The following LMTK3 variants were observed in gnomAD, a reference collection of about 807,000 sequenced individuals.
LMTK3 encodes the protein lemur tail kinase 3.
A neutral mutation model predicts 116.7 loss-of-function variants in LMTK3; 27 were observed. The ratio of observed to expected loss-of-function variants is 0.23; its 90% CI spans 0.17 to 0.32. LMTK3 has a LOEUF of 0.32. LMTK3 is among the 10% of genes least tolerant of loss of function. The pLI, the probability that LMTK3 is intolerant of heterozygous loss-of-function variation, is 1.00. For missense variants in LMTK3, 1,764 were observed against 2,068.5 expected, an observed-to-expected ratio of 0.85 and a Z score of 2.86; for synonymous variants, 965 against 971.0, an observed-to-expected ratio of 0.99 and a Z score of 0.11.
chr19:48,498,429 C>T lies in LMTK3; in HGVS notation c.2640G>A (p.Ala880=), dbSNP rs200612607. 854 of 1,606,404 alleles carry T rather than the reference C, an allele frequency of 5.3e-4. 6 individuals carry two copies. The East Asian group carries it at 0.017, about 33-fold the overall frequency. ...TCCTGGGTCCTGTCTCCCGGGCTGTCGCCCCCTTCTCCCCCAGGAGGTTCC... is the reference window on the plus strand; with the variant it reads ...TCCTGGGTCCTGTCTCCCGGGCTGTTGCCCCCTTCTCCCCCAGGAGGTTCC... The part of the protein sequence containing the change: ...VTRNLLGEKG[A]TARETGPRKA... Residue 880 remains alanine (A), a synonymous_variant, in exon 11 of 15, where the codon GCG becomes GCA. Transcript: ENST00000600059.
chr19:48,509,996 G>T (rs749471609), intron 3 of LMTK3, 27 bp downstream of exon 3: 1 of 1,610,588 alleles, frequency 6.2e-7, no homozygotes, highest in Non-Finnish European at 8.5e-7. Flanking sequence ...GACACCATGG[G>T]ATGCTGGTCA....
chr19:48,503,523 T>C (rs1972509308), intron 5 of LMTK3, among the ~76,000 whole-genome samples: 2 of 151,986 alleles, frequency 1.3e-5, no homozygotes, highest in Non-Finnish European at 2.9e-5. Flanking sequence ...TCCACCTTCA[T>C]TCCTGCCCCA....
chr19:48,498,259 G>C lies in LMTK3; in HGVS notation c.2810C>G (p.Pro937Arg). 2 of 1,613,450 alleles carry C rather than the reference G, an allele frequency of 1.2e-6. No homozygotes were observed. Among genetic ancestry groups the C allele is most frequent in the Non-Finnish European group, 1.7e-6 (2 of 1,179,754 alleles). Residue 937 changes from proline to arginine, a missense_variant, in exon 11 of 15, where the codon CCA becomes CGA. Around this residue, in one of 7 missense-constraint regions of LMTK3, gnomAD observed 1,028 missense variants for 1,050.6 expected, o/e 0.98. Transcript: ENST00000600059. ...CTCCGCCGCCTTCTCCTCGATGCCT[G>C]GGGCTCTCTGGTCCCCGTTCTCCAG... ...TVLENGDQRA[P>R]GIEEKAAENG...
intron 14 of LMTK3, among the ~76,000 whole-genome samples, chr19:48,489,971 TC>T (rs1467068312): frequency 1.3e-5 from 2 of 152,054 alleles, no homozygotes; most frequent in African/African-American, 4.8e-5. Flanking sequence ...CCCGTTCCAG[TC>T]CTGCGCTGGG....
In LMTK3 at chr19:48,509,016, C is replaced by G. The variant is rs1235082949; in HGVS notation, c.439-47G>C. Reference sequence around the variant, plus strand: ...GTCAGCGAGTGCCGTTTCCCCAGCCCCGTCCCCTGGGACCAGCTCCACTCC... The same window carrying G: ...GTCAGCGAGTGCCGTTTCCCCAGCCGCGTCCCCTGGGACCAGCTCCACTCC... On this transcript the variant is annotated intron_variant, in intron 4 of 14. Coordinates refer to ENST00000600059, the MANE Select transcript of LMTK3 (RefSeq NM_001388485.1). The G allele has an allele frequency of 4.5e-6, 6 of 1,338,640 alleles. No homozygotes were observed. The South Asian group carries it at 6.5e-5, about 14-fold the overall frequency. The allele number at this position is 1,338,640 out of a possible 1,614,324, so 82.9% of individuals were successfully genotyped here. A position where few individuals can be genotyped will look rare whatever the true frequency, so the allele number is the denominator to read the frequency against.
chr19:48,486,357 C>CA (rs1972125495), intron 14 of LMTK3, among the ~76,000 whole-genome samples: 3 of 151,934 alleles, frequency 2.0e-5, no homozygotes, highest in African/African-American at 7.3e-5. Context: ...CCGCGCCCGG[C>CA]CTTTTGGAAC....
intron 6 of LMTK3, 62 bp from the exon 7 acceptor site, chr19:48,502,643 G>T (rs183759176): frequency 1.3e-6 from 2 of 1,496,836 alleles, no homozygotes; most frequent in Non-Finnish European, 8.9e-7. Flanking sequence ...TAGTCGGCCC[G>T]GAGGCTGGAA....
chr19:48,494,149 A>G lies in LMTK3; in HGVS notation c.3677-40T>C. 8.8e-7 allele frequency: 1 copy of G among 1,134,344 alleles called. No homozygotes were observed. The highest frequency in any genetic ancestry group is 1.1e-6 in the Non-Finnish European group (1 of 918,216). The allele number at this position is 1,134,344 out of a possible 1,614,324, so 70.3% of individuals were successfully genotyped here. A position where few individuals can be genotyped will look rare whatever the true frequency, so the allele number is the denominator to read the frequency against. On this transcript the variant is annotated intron_variant, in intron 11 of 14. Coordinates refer to ENST00000600059, the MANE Select transcript of LMTK3 (RefSeq NM_001388485.1). This position sits in a 1 kb window ranked among gnomAD's most constrained non-coding sequence, Gnocchi z 4.0. ...ACCTGGTGAGCCCCTGTCCCGGTGA[A>G]ACTGAGGCAGGCCCTCCCACCTAGC...
chr19:48,493,938 T>TCGTCCTCGTCCTCCC lies in LMTK3; in HGVS notation c.3833_3847dup (p.Gly1278_Asp1282dup). 6.8e-6 allele frequency: 7 copies of TCGTCCTCGTCCTCCC among 1,035,118 alleles called. No individual in the cohort carries two copies. Among genetic ancestry groups the TCGTCCTCGTCCTCCC allele is most frequent in the Non-Finnish European group, 8.1e-6 (7 of 866,474 alleles). 64.1% of individuals were successfully genotyped at this position (1,035,118 alleles called of 1,614,324 possible). A position where few individuals can be genotyped will look rare whatever the true frequency, so the allele number is the denominator to read the frequency against. ...CGCCTCCTCGTCCTCCTCCTCGTCC[T>TCGTCCTCGTCCTCCC]CGTCCTCGTCCTCCCCGTCCTCCTC... is the stretch of plus-strand genomic sequence containing the variant. On this transcript the variant is annotated inframe_insertion, in exon 12 of 15. Transcript: ENST00000600059.
At position 48,499,740 on chromosome 19, in the gene LMTK3, G is replaced by A. The variant is rs1313130260; in HGVS notation, c.1329C>T (p.Arg443=). Residue 443 remains arginine (R), a synonymous_variant, in exon 11 of 15, where the codon CGC becomes CGT. Coordinates refer to ENST00000600059, the MANE Select transcript of LMTK3 (RefSeq NM_001388485.1). ...GGAACGGTGAGGAGAGGGTCCCCGG[G>A]CGGGGCGCACTGTGTGCAGGGGGCC... ...WPWPPAHSAP[R]PGTLSSPFPL... is the part of the protein sequence containing the mutation. The A allele has an allele frequency of 7.8e-6, 12 of 1,529,240 alleles. No individual in the cohort carries two copies. The highest frequency in any genetic ancestry group is 7.4e-5 in the South Asian group (6 of 81,512). The allele number at this position is 1,529,240 out of a possible 1,614,324, so 94.7% of individuals were successfully genotyped here. A position where few individuals can be genotyped will look rare whatever the true frequency, so the allele number is the denominator to read the frequency against.
chr19:48,511,620 A>AGGTGGGGGGGGGGGGGGGGGGGGGG lies in LMTK3; in HGVS notation c.-45_-44insCCCCCCCCCCCCCCCCCCCCCCACC. The stretch of plus-strand genomic sequence containing the variant: ...GAGGTGGAGGTGGTGGCGGCTGGGG[A>AGGTGGGGGGGGGGGGGGGGGGGGGG]GGAGGGGGGGGCGGGCCCTCAGCCC... On this transcript the variant is annotated 5_prime_UTR_variant, in exon 1 of 15. Transcript: ENST00000600059. 1.7e-5 allele frequency: 2 copies of AGGTGGGGGGGGGGGGGGGGGGGGGG among 118,226 alleles called. No individual in the cohort carries two copies. Among genetic ancestry groups the AGGTGGGGGGGGGGGGGGGGGGGGGG allele is most frequent in the Non-Finnish European group, 1.5e-5 (1 of 66,524 alleles). 7.3% of individuals were successfully genotyped at this position (118,226 alleles called of 1,614,324 possible). A position where few individuals can be genotyped will look rare whatever the true frequency, so the allele number is the denominator to read the frequency against.
At chr19:48,511,342 C>T (rs1383779503) in intron 1 of LMTK3, among the ~76,000 whole-genome samples, 159 bp downstream of exon 1, 2 of 151,776 alleles carry the variant, frequency 1.3e-5, no homozygotes, top group Non-Finnish European at 2.9e-5. Flanking sequence ...ACAGGCCCTG[C>T]TGACAGAGGC....
At chr19:48,506,819 C>T (rs139559777) in intron 5 of LMTK3, among the ~76,000 whole-genome samples, 4 of 152,130 alleles carry the variant, frequency 2.6e-5, no homozygotes, top group Admixed American at 6.5e-5. Context: ...CGCCTGCCCA[C>T]CACACCTGGC....
In LMTK3 at chr19:48,504,035, T is replaced by C. The variant is rs144040247; in HGVS notation, c.558-1039A>G. 0.013 allele frequency among the ~76,000 whole-genome samples: 2,015 copies of C among 152,130 alleles called. 31 individuals carry two copies. In the Middle Eastern group the frequency reaches 0.13, roughly 10 times the overall value. On this transcript the variant is annotated intron_variant, in intron 5 of 14. Coordinates refer to ENST00000600059, the MANE Select transcript of LMTK3 (RefSeq NM_001388485.1). The stretch of plus-strand genomic sequence containing the variant: ...GATGCCCGACACCAAGCCTGGCTAA[T>C]TTTTGTATTTTTAGTAGAGACAGGG...
At position 48,493,898 on chromosome 19, in the gene LMTK3, C is replaced by T. The variant is rs1972275765; in HGVS notation, c.3888G>A (p.Ala1296=). ...EEDEEAAAPG[A]AAGPRGPGRA... is the part of the protein sequence containing the mutation. ...TCCCGGGGCCCCGCGGCCCCGCCGC[C>T]GCGCCCGGCGCCGCCGCCTCCTCGT... Residue 1296 remains alanine, a synonymous_variant, in exon 12 of 15, where the codon GCG becomes GCA. Transcript: ENST00000600059. 1 of 1,035,836 alleles carries T rather than the reference C, an allele frequency of 9.7e-7. No homozygotes were observed. Among genetic ancestry groups the T allele is most frequent in the East Asian group, 9.0e-5 (1 of 11,092 alleles). 64.2% of individuals were successfully genotyped at this position (1,035,836 alleles called of 1,614,324 possible).
chr19:48,495,221 G>A (rs1188536806), intron 11 of LMTK3, among the ~76,000 whole-genome samples: 1 of 152,022 alleles, frequency 6.6e-6, no homozygotes, highest in East Asian at 1.9e-4. Context: ...TGTTGGCCAG[G>A]CTGGTCTCGA....
chr19:48,491,127 G>T lies in LMTK3; in HGVS notation c.4347C>A (p.Ala1449=). The change falls in exon 14 of 15, where the codon GCC becomes GCA. Residue 1449 remains alanine (A), a synonymous_variant. Coordinates refer to ENST00000600059, the MANE Select transcript of LMTK3 (RefSeq NM_001388485.1). This position sits in a 1 kb window ranked among gnomAD's most constrained non-coding sequence, Gnocchi z 5.1. ...ALETPGPPAR[A]PDARPAGPVE... ...TGGTACCTGCGGGCCGGGCGTCGGG[G>T]GCCCGGGCGGGTGGCCCCGGGGTCT... is the stretch of plus-strand genomic sequence containing the variant. 2 of 1,375,120 alleles carry T rather than the reference G, an allele frequency of 1.5e-6. No individual in the cohort carries two copies. Among genetic ancestry groups the T allele is most frequent in the African/African-American group, 1.5e-5 (1 of 66,722 alleles). The allele number at this position is 1,375,120 out of a possible 1,614,324, so 85.2% of individuals were successfully genotyped here. A position where few individuals can be genotyped will look rare whatever the true frequency, so the allele number is the denominator to read the frequency against.
At chr19:48,496,315 C>G (rs12461336) in intron 11 of LMTK3, among the ~76,000 whole-genome samples, 3 of 127,206 alleles carry the variant, frequency 2.4e-5, no homozygotes, top group African/African-American at 8.7e-5. Flanking sequence ...TTTTTTTTTT[C>G]TGAGACAGAG....
intron 14 of LMTK3, 115 bp downstream of exon 14, chr19:48,490,993 G>T: frequency 1.5e-6 from 1 of 672,662 alleles, no homozygotes; most frequent in Non-Finnish European, 2.1e-6. Flanking sequence ...AGGGGAGAGA[G>T]AAGAGACTGG....
Sources: gnomAD v4.1 joint callset for allele counts (sites outside exome capture counted in the v4.1 genomes callset) on GRCh38, gnomAD v4.1.1 for gene constraint, gnomAD v4.1.1 regional missense constraint, Gnocchi (gnomAD v3.1) non-coding constraint, MANE v1.5 for transcripts, NCBI Gene and HGNC (gene_info 2026-07-23, HGNC 2026-07-21) for gene names.